Variants in CCNB1 observed in about 807,000 individuals in gnomAD.
The protein encoded by CCNB1 is G2/mitotic-specific cyclin-B1.
In CCNB1, 26 loss-of-function variants were observed where a neutral mutation model predicts 44.4. The ratio of observed to expected loss-of-function variants is 0.59; its 90% CI spans 0.43 to 0.81. CCNB1 has a LOEUF of 0.81. Ranked by LOEUF, CCNB1 falls within the 40% of genes least tolerant of loss-of-function variation. The pLI, the probability that CCNB1 is intolerant of heterozygous loss-of-function variation, is 0.00. For missense variants in CCNB1, 477 were observed against 520.9 expected (o/e 0.92, Z 0.82); for synonymous variants, 195 against 181.4 (o/e 1.08, Z -0.60).
Position 69,167,894 on chromosome 5 carries a change from C to T in CCNB1, c.22-14C>T. 1.2e-6 allele frequency: 2 copies of T among 1,603,876 alleles called. No individual in the cohort carries two copies. The highest frequency in any genetic ancestry group is 2.2e-5 in the East Asian group (1 of 44,828). On this transcript the variant is annotated splice_polypyrimidine_tract_variant and intron_variant, in intron 1 of 8. Transcript: ENST00000256442. ...TTCGTGGATCAGCTCTTAAAGTGGTCTTGCTTCTTTCAGAACTCGAAAATT... is the reference window on the plus strand; with the variant it reads ...TTCGTGGATCAGCTCTTAAAGTGGTTTTGCTTCTTTCAGAACTCGAAAATT...
chr5:69,168,353 T>C lies in CCNB1; in HGVS notation c.363+10T>C, dbSNP rs755737995. On this transcript the variant is annotated intron_variant, in intron 3 of 8. Transcript: ENST00000256442. ...GCCTGAGCCTATTTTGGTAAACTTA[T>C]TCTTACCATTGTAGAGTCTGTTGAT... 5 of 1,613,998 alleles carry C rather than the reference T, an allele frequency of 3.1e-6. No individual in the cohort carries two copies. The highest frequency in any genetic ancestry group is 2.7e-5 in the African/African-American group (2 of 74,940).
chr5:69,177,158 C>G, intron 7 of CCNB1, 81 bp from the exon 8 acceptor site: 1 of 768,468 alleles, frequency 1.3e-6, no homozygotes, highest in South Asian at 1.6e-5. Flanking sequence ...CTTTTCCACT[C>G]CTGAATAACA....
chr5:69,171,729 G>A (rs1265659654), intron 4 of CCNB1, among the ~76,000 whole-genome samples: 4 of 152,094 alleles, frequency 2.6e-5, no homozygotes, highest in Admixed American at 1.3e-4. Context: ...GTATATATGC[G>A]ATCTCCACCA....
intron 7 of CCNB1, among the ~76,000 whole-genome samples, chr5:69,176,796 T>C (rs1747604150): frequency 6.6e-6 from 1 of 151,734 alleles, no homozygotes; most frequent in Admixed American, 6.6e-5. Flanking sequence ...CTGACCAACA[T>C]GGTGAAACCC....
intron 4 of CCNB1, among the ~76,000 whole-genome samples, 163 bp from the exon 5 acceptor site, chr5:69,174,088 T>G (rs1193610055): frequency 6.6e-6 from 1 of 152,142 alleles, no homozygotes; most frequent in Non-Finnish European, 1.5e-5. Context: ...CTTTATTTCT[T>G]GGTGATGGTG....
At chr5:69,167,838 C>T (rs2112044713) in intron 1 of CCNB1, 70 bp from the exon 2 acceptor site, 2 of 1,386,132 alleles carry the variant, frequency 1.4e-6, no homozygotes, top group East Asian at 2.3e-5. Flanking sequence ...CCTTGTGCCC[C>T]ACCTTAATTA....
At chr5:69,175,335 T>C (rs1747559929) in intron 6 of CCNB1, 62 bp from the exon 7 acceptor site, 5 of 1,519,184 alleles carry the variant, frequency 3.3e-6, no homozygotes, top group Non-Finnish European at 4.5e-6. Context: ...CATATGGGCA[T>C]GCAGGTTAGT....
Position 69,174,503 on chromosome 5 carries a change from C to T in CCNB1, c.705+94C>T, listed in dbSNP as rs1747536149. 7.7e-6 allele frequency: 9 copies of T among 1,171,348 alleles called. No homozygotes were observed. In the East Asian group the frequency reaches 1.9e-4, roughly 24 times the overall value. The allele number at this position is 1,171,348 out of a possible 1,614,324, so 72.6% of individuals were successfully genotyped here. On this transcript the variant is annotated intron_variant, in intron 5 of 8. Transcript: ENST00000256442. Reference sequence around the variant, plus strand: ...GCCAGTCTGGGCGCAGTGGCTCATGCCTGTAATCCCAGCGGGCGGGTGGAT... The same window carrying T: ...GCCAGTCTGGGCGCAGTGGCTCATGTCTGTAATCCCAGCGGGCGGGTGGAT...
chr5:69,176,241 G>A (rs1747586732), intron 7 of CCNB1, among the ~76,000 whole-genome samples: 1 of 151,346 alleles, frequency 6.6e-6, no homozygotes, highest in African/African-American at 2.4e-5. Flanking sequence ...GAGAAAGGTA[G>A]AGCAACTTTT....
At chr5:69,176,908 G>A (rs1747607961) in intron 7 of CCNB1, among the ~76,000 whole-genome samples, 1 of 151,770 alleles carries the variant, frequency 6.6e-6, no homozygotes, top group Admixed American at 6.6e-5. Flanking sequence ...GAACCTGGGG[G>A]CGGAGGTTGC....
chr5:69,173,749 A>G (rs959208850), intron 4 of CCNB1, among the ~76,000 whole-genome samples: 1 of 152,054 alleles, frequency 6.6e-6, no homozygotes, highest in South Asian at 2.1e-4. Flanking sequence ...ATACTGTCCT[A>G]TCTAATGTTT....
At position 69,174,398 on chromosome 5, in the gene CCNB1, C is replaced by A. The variant is rs745718666; in HGVS notation, c.694C>A (p.Arg232=). The part of the protein sequence containing the change: ...TMYMTVSIID[R]FMQNNCVPKK... ...GTACATGACTGTCTCCATTATTGAT[C>A]GGTTCATGCAGGTGAGCATTTCAGT... Residue 232 remains arginine (R), a synonymous_variant, in exon 5 of 9, where the codon CGG becomes AGG. Transcript: ENST00000256442. 6 of 1,613,634 alleles carry A rather than the reference C, an allele frequency of 3.7e-6. No homozygotes were observed. Among genetic ancestry groups the A allele is most frequent in the Admixed American group, 3.3e-5 (2 of 59,946 alleles).
intron 1 of CCNB1, 143 bp from the exon 2 acceptor site, chr5:69,167,765 A>T: frequency 1.5e-6 from 1 of 675,856 alleles, no homozygotes; most frequent in Non-Finnish European, 2.4e-6. Context: ...CGCAGAGTAG[A>T]CTCTGGGACC....
At chr5:69,167,423 G>T in intron 1 of CCNB1, 140 bp downstream of exon 1, 1 of 874,030 alleles carries the variant, frequency 1.1e-6, no homozygotes, top group Non-Finnish European at 1.8e-6. Flanking sequence ...CTCACCAAGA[G>T]AGCGCCGAGG....
At chr5:69,173,497 C>T (rs955157809) in intron 4 of CCNB1, among the ~76,000 whole-genome samples, 3 of 152,166 alleles carry the variant, frequency 2.0e-5, no homozygotes, top group Non-Finnish European at 4.4e-5. Flanking sequence ...GTTGTCCCCA[C>T]AGTTCTTAGC....
chr5:69,176,221 T>G (rs891997429), intron 7 of CCNB1, among the ~76,000 whole-genome samples: 1 of 151,356 alleles, frequency 6.6e-6, no homozygotes, highest in Non-Finnish European at 1.5e-5. Flanking sequence ...ATTTCAACTT[T>G]ATTCCCTTTG....
chr5:69,172,137 G>A (rs1393718476), intron 4 of CCNB1, among the ~76,000 whole-genome samples: 2 of 152,154 alleles, frequency 1.3e-5, no homozygotes, highest in African/African-American at 4.8e-5. Flanking sequence ...GAGGGCAGTG[G>A]TGCGGTCTCA....
At chr5:69,167,359 C>T (rs767212364) in intron 1 of CCNB1, 76 bp downstream of exon 1, 10 of 1,544,794 alleles carry the variant, frequency 6.5e-6, no homozygotes, top group Non-Finnish European at 8.9e-6. Context: ...CTGCGGGAGC[C>T]TCCCGAGCGG....
chr5:69,172,785 T>TG (rs1747493108), intron 4 of CCNB1, among the ~76,000 whole-genome samples: 1 of 146,640 alleles, frequency 6.8e-6, no homozygotes, highest in Admixed American at 6.8e-5. Flanking sequence ...TTTTTTTTTT[T>TG]TTTTTTGGGA....
Sources: allele counts gnomAD v4.1 joint callset (sites outside exome capture counted in the v4.1 genomes callset), GRCh38; gene constraint gnomAD v4.1.1; transcripts MANE v1.5; gene names NCBI Gene and HGNC (gene_info 2026-07-23, HGNC 2026-07-21).